Variants in DLGAP4 observed in about 807,000 individuals in gnomAD.
DLGAP4 encodes DLG associated protein 4, also known as disks large-associated protein 4.
DLGAP4 carries 18 observed loss-of-function variants against 86.9 expected under a neutral mutation model. The ratio of observed to expected loss-of-function variants is 0.21; its 90% CI spans 0.14 to 0.31. The LOEUF is 0.31. Among genes scored for constraint, DLGAP4 ranks in the 10% least tolerant of loss-of-function variants. The pLI, the probability that DLGAP4 is intolerant of heterozygous loss-of-function variation, is 1.00. For synonymous variants in DLGAP4, 548 were observed against 574.3 expected (o/e 0.95, Z 0.65); for missense variants, 1,085 against 1,362.6 (o/e 0.80, Z 3.21).
chr20:36,506,034 T>C (rs559824579), intron 10 of DLGAP4, among the ~76,000 whole-genome samples: 5 of 152,288 alleles, frequency 3.3e-5, no homozygotes, highest in East Asian at 3.9e-4. Context: ...TATAAAACTA[T>C]TGCAATATCT....
chr20:36,461,546 A>AGTCC lies in DLGAP4; in HGVS notation c.1648+14617_1648+14620dup, dbSNP rs1329705353. On this transcript the variant is annotated intron_variant, in intron 7 of 12. Coordinates refer to ENST00000339266, the MANE Select transcript of DLGAP4 (RefSeq NM_001365621.2). ...GCCGCTGGCCGCCGCCGCCGCCGCC[A>AGTCC]GTCCGTCCGTCTGTCCGGTCCACGT... 1,751 of 966,352 alleles carry AGTCC rather than the reference A, an allele frequency of 1.8e-3. 1 individual carries two copies. The highest frequency in any genetic ancestry group is 1.9e-3 in the Non-Finnish European group (1,585 of 815,820). 59.9% of individuals were successfully genotyped at this position (966,352 alleles called of 1,614,324 possible).
chr20:36,384,726 A>G (rs147431407), intron 2 of DLGAP4, among the ~76,000 whole-genome samples: 2 of 152,362 alleles, frequency 1.3e-5, no homozygotes, highest in South Asian at 2.1e-4. Context: ...TTGGAACCTC[A>G]TAGAACTTCC....
intron 3 of DLGAP4, 70 bp from the exon 4 acceptor site, chr20:36,436,039 G>A: frequency 3.4e-6 from 5 of 1,466,100 alleles, no homozygotes; most frequent in Non-Finnish European, 4.5e-6. Context: ...TTCAGGTCCC[G>A]GAGATGGGGG....
intron 1 of DLGAP4, among the ~76,000 whole-genome samples, chr20:36,311,695 A>G (rs2065054882): frequency 6.6e-6 from 1 of 152,004 alleles, no homozygotes; most frequent in Non-Finnish European, 1.5e-5. Context: ...CCCTATTATG[A>G]TTATCACCCC....
At chr20:36,317,282 T>TC (rs1171737937) in intron 1 of DLGAP4, among the ~76,000 whole-genome samples, 4 of 30,408 alleles carry the variant, frequency 1.3e-4, no homozygotes, top group African/African-American at 2.3e-4. Flanking sequence ...TTTCTTATCT[T>TC]TCTTTCTTTC....
intron 1 of DLGAP4, among the ~76,000 whole-genome samples, chr20:36,348,710 C>T (rs1383918326): frequency 6.6e-6 from 1 of 151,992 alleles, no homozygotes; most frequent in Non-Finnish European, 1.5e-5. Context: ...ACCCACTGCT[C>T]CCGGCTGAGC....
At chr20:36,366,103 T>C (rs985272487) in intron 1 of DLGAP4, among the ~76,000 whole-genome samples, 35 of 152,120 alleles carry the variant, frequency 2.3e-4, no homozygotes, top group African/African-American at 7.7e-4. Context: ...TTCCTGCTGA[T>C]TCGTGGGTTT....
At chr20:36,449,022 G>A (rs938187075) in intron 7 of DLGAP4, among the ~76,000 whole-genome samples, 1 of 152,182 alleles carries the variant, frequency 6.6e-6, no homozygotes, top group Non-Finnish European at 1.5e-5. Flanking sequence ...GTAAATAAAT[G>A]TCTTCTCTGT....
intron 7 of DLGAP4, 57 bp downstream of exon 7, chr20:36,446,994 C>G: frequency 6.5e-7 from 1 of 1,545,322 alleles, no homozygotes; most frequent in Admixed American, 1.8e-5. Flanking sequence ...CCCCAAGGAC[C>G]ATACCTGGAG....
chr20:36,341,627 G>A (rs527424702), intron 1 of DLGAP4, among the ~76,000 whole-genome samples: 10 of 152,250 alleles, frequency 6.6e-5, no homozygotes, highest in Non-Finnish European at 1.5e-4. Flanking sequence ...CGCGGCTCCC[G>A]CGGGGAGGAG....
intron 1 of DLGAP4, among the ~76,000 whole-genome samples, chr20:36,327,590 CTTTTT>C (rs555766337): frequency 8.3e-6 from 1 of 120,020 alleles, no homozygotes. Context: ...TGGTTAAATT[CTTTTT>C]TTTTTTTTTT....
chr20:36,372,032 A>C (rs1291821970), intron 2 of DLGAP4, among the ~76,000 whole-genome samples: 3 of 152,178 alleles, frequency 2.0e-5, no homozygotes, highest in African/African-American at 7.2e-5. Flanking sequence ...TGGGCTGGGG[A>C]ATCAGCAGAT....
chr20:36,449,296 T>G (rs1032915242), intron 7 of DLGAP4, among the ~76,000 whole-genome samples: 5 of 152,252 alleles, frequency 3.3e-5, no homozygotes, highest in African/African-American at 1.2e-4. Flanking sequence ...GTCAGGCATC[T>G]TGGGTAGAAT....
At chr20:36,314,022 C>T (rs1029958153) in intron 1 of DLGAP4, among the ~76,000 whole-genome samples, 19 of 152,202 alleles carry the variant, frequency 1.2e-4, no homozygotes, top group African/African-American at 4.6e-4. Flanking sequence ...GTGAGTGTGG[C>T]GGCAGGTGAA....
rs186901658 is a variant in DLGAP4 at position 36,522,710 on chromosome 20, G to A, written c.2513-1540G>A. 9.9e-5 allele frequency among the ~76,000 whole-genome samples: 15 copies of A among 152,182 alleles called. No individual in the cohort carries two copies. In the East Asian group the frequency reaches 1.7e-3, roughly 18 times the overall value. The stretch of plus-strand genomic sequence containing the variant: ...ATTTTGTATTTTTAGTAGAGACAGG[G>A]TTTTACCAGGTTGGCCAGACTGGTC... On this transcript the variant is annotated intron_variant, in intron 10 of 12. Coordinates refer to ENST00000339266, the MANE Select transcript of DLGAP4 (RefSeq NM_001365621.2).
intron 1 of DLGAP4, among the ~76,000 whole-genome samples, chr20:36,353,406 T>C (rs1194450436): frequency 1.3e-5 from 2 of 152,220 alleles, no homozygotes; most frequent in African/African-American, 4.8e-5. Flanking sequence ...TGGGCTTCAG[T>C]GCCCAGGTGC....
intron 2 of DLGAP4, among the ~76,000 whole-genome samples, chr20:36,375,793 G>C (rs2031129450): frequency 6.6e-6 from 1 of 152,156 alleles, no homozygotes; most frequent in Non-Finnish European, 1.5e-5. Context: ...GGAGACACAG[G>C]GCTAGAGAGG....
At chr20:36,388,443 G>T (rs1334309049) in intron 2 of DLGAP4, among the ~76,000 whole-genome samples, 1 of 151,832 alleles carries the variant, frequency 6.6e-6, no homozygotes, top group Non-Finnish European at 1.5e-5. Flanking sequence ...TCCCTCCCCC[G>T]TGGCCCACCC....
At chr20:36,503,550 C>T (rs565798620) in intron 10 of DLGAP4, among the ~76,000 whole-genome samples, 2 of 139,036 alleles carry the variant, frequency 1.4e-5, no homozygotes, top group South Asian at 2.2e-4. Flanking sequence ...TGCAGTGGCG[C>T]GATCTTGGCT....
Sources: gnomAD v4.1 joint callset for allele counts (sites outside exome capture counted in the v4.1 genomes callset) on GRCh38, gnomAD v4.1.1 for gene constraint, MANE v1.5 for transcripts, NCBI Gene and HGNC (gene_info 2026-07-23, HGNC 2026-07-21) for gene names.